YWHAE: variants seen among roughly 807,000 people sequenced by gnomAD.
YWHAE encodes tyrosine 3-monooxygenase/tryptophan 5-monooxygenase activation protein epsilon, also known as 14-3-3 protein epsilon.
A neutral mutation model predicts 30.1 loss-of-function variants in YWHAE; 4 were observed. That is an observed-to-expected ratio of 0.13 (90% CI 0.07 to 0.30). The LOEUF (loss-of-function observed/expected upper bound fraction) is 0.30. Ranked by LOEUF, YWHAE falls within the 10% of genes least tolerant of loss-of-function variation. YWHAE has a pLI of 1.00. For synonymous variants in YWHAE, 118 were observed against 111.8 expected, an observed-to-expected ratio of 1.06 and a Z score of -0.35; for missense variants, 121 against 315.9, an observed-to-expected ratio of 0.38 and a Z score of 4.68.
rs970347834 is a variant in YWHAE, at chr17:1,383,745, C to T, written c.64+16302G>A. On this transcript the variant is annotated intron_variant, in intron 1 of 5. Coordinates refer to ENST00000264335, the MANE Select transcript of YWHAE (RefSeq NM_006761.5). ...TTAGTTAAATTTTGTGCTGCACAAT[C>T]GTAAGTTGCTAGTATTATAAACAGT... 2.0e-5 allele frequency among the ~76,000 whole-genome samples: 3 copies of T among 151,986 alleles called. 1 individual carries two copies. Among genetic ancestry groups the T allele is most frequent in the Non-Finnish European group, 4.4e-5 (3 of 68,006 alleles).
chr17:1,391,685 A>G (rs918462389), intron 1 of YWHAE, among the ~76,000 whole-genome samples: 1 of 152,200 alleles, frequency 6.6e-6, no homozygotes, highest in African/African-American at 2.4e-5. Context: ...ATACCTAAAT[A>G]TATCAAGCTG....
chr17:1,397,128 A>G (rs1452881939), intron 1 of YWHAE, among the ~76,000 whole-genome samples: 1 of 151,612 alleles, frequency 6.6e-6, no homozygotes, highest in Non-Finnish European at 1.5e-5. Context: ...TGAACTCCCG[A>G]CCTCAGGTGA....
chr17:1,373,230 C>T (rs963816540), intron 1 of YWHAE, among the ~76,000 whole-genome samples: 1 of 151,706 alleles, frequency 6.6e-6, no homozygotes, highest in African/African-American at 2.4e-5. Flanking sequence ...GCAACAAGAG[C>T]GAAACTCAGT....
chr17:1,346,293 C>T (rs762967883), intron 5 of YWHAE, among the ~76,000 whole-genome samples: 9 of 152,156 alleles, frequency 5.9e-5, no homozygotes, highest in Admixed American at 2.6e-4. Context: ...AGCATGCAGG[C>T]TTTTCCCTTA....
chr17:1,375,986 T>G (rs1316226628), intron 1 of YWHAE, among the ~76,000 whole-genome samples: 2 of 152,228 alleles, frequency 1.3e-5, no homozygotes, highest in African/African-American at 4.8e-5. Context: ...TGTATTAATG[T>G]GCTTAATCTT....
chr17:1,363,817 T>C (rs375922405), intron 2 of YWHAE, among the ~76,000 whole-genome samples: 6 of 151,018 alleles, frequency 4.0e-5, no homozygotes, highest in African/African-American at 1.5e-4. Context: ...GCCCTGTAAT[T>C]CTCTTCCCTG....
chr17:1,348,767 T>G lies in YWHAE; in HGVS notation c.716-3268A>C, dbSNP rs1171722405. 3.3e-5 allele frequency among the ~76,000 whole-genome samples: 5 copies of G among 152,334 alleles called. No individual in the cohort carries two copies. The South Asian group carries it at 1.0e-3, about 32-fold the overall frequency. On this transcript the variant is annotated intron_variant, in intron 5 of 5. Transcript: ENST00000264335. ...GGCCGGGAACAGTGGCTCACGCCTG[T>G]AATCCCAGCATTTTGGGAGGCCGAG...
At chr17:1,383,137 G>A (rs1266320682) in intron 1 of YWHAE, among the ~76,000 whole-genome samples, 2 of 151,810 alleles carry the variant, frequency 1.3e-5, no homozygotes, top group Middle Eastern at 3.5e-3. Context: ...GATCACCTGA[G>A]GTCGAGAGTT....
At chr17:1,386,183 A>ACAATGAAAC (rs1186160565) in intron 1 of YWHAE, among the ~76,000 whole-genome samples, 1 of 152,228 alleles carries the variant, frequency 6.6e-6, no homozygotes, top group East Asian at 1.9e-4. Flanking sequence ...GGGTTTCATC[A>ACAATGAAAC]CAATGAAACA....
chr17:1,400,154 G>A lies in YWHAE; in HGVS notation c.-44C>T. On this transcript the variant is annotated 5_prime_UTR_variant, in exon 1 of 6. Coordinates refer to ENST00000264335, the MANE Select transcript of YWHAE (RefSeq NM_006761.5). ...AGGGTCTGCGCGACGGATGGAAGCGGATAGTGTCTCCGACTCTCTCAGCCT... is the reference window on the plus strand; with the variant it reads ...AGGGTCTGCGCGACGGATGGAAGCGAATAGTGTCTCCGACTCTCTCAGCCT... 6.2e-7 allele frequency: 1 copy of A among 1,610,100 alleles called. No individual in the cohort carries two copies. Among genetic ancestry groups the A allele is most frequent in the Non-Finnish European group, 8.5e-7 (1 of 1,176,534 alleles).
At chr17:1,379,995 C>A (rs970529752) in intron 1 of YWHAE, among the ~76,000 whole-genome samples, 1 of 152,062 alleles carries the variant, frequency 6.6e-6, no homozygotes, top group African/African-American at 2.4e-5. Flanking sequence ...CCACATACCA[C>A]GTGCACTTTT....
chr17:1,387,117 T>C (rs2150873131), intron 1 of YWHAE, among the ~76,000 whole-genome samples: 1 of 152,260 alleles, frequency 6.6e-6, no homozygotes. Flanking sequence ...CTTTTCCCTT[T>C]GGTCTCAATA....
chr17:1,349,346 A>G (rs375666819), intron 5 of YWHAE, among the ~76,000 whole-genome samples: 2 of 151,898 alleles, frequency 1.3e-5, no homozygotes, highest in South Asian at 4.2e-4. Flanking sequence ...CATCTCAAAA[A>G]CTCTAATTTT....
chr17:1,390,131 A>G (rs1185569389), intron 1 of YWHAE, among the ~76,000 whole-genome samples: 1 of 152,212 alleles, frequency 6.6e-6, no homozygotes, highest in Non-Finnish European at 1.5e-5. Flanking sequence ...GGTGTGAGCC[A>G]CTGCACCCAG....
chr17:1,349,667 G>A (rs1188778274), intron 5 of YWHAE, among the ~76,000 whole-genome samples: 1 of 151,322 alleles, frequency 6.6e-6, no homozygotes, highest in East Asian at 1.9e-4. Context: ...AGGCTGGAGT[G>A]CAGTGGTGCT....
chr17:1,382,559 A>C (rs1251178349), intron 1 of YWHAE, among the ~76,000 whole-genome samples: 1 of 148,514 alleles, frequency 6.7e-6, no homozygotes, highest in East Asian at 2.0e-4. Context: ...ACGGGGTTTC[A>C]CTATGTTAGC....
chr17:1,360,949 A>T, intron 4 of YWHAE, 143 bp downstream of exon 4: 1 of 711,982 alleles, frequency 1.4e-6, no homozygotes, highest in Non-Finnish European at 2.4e-6. Context: ...TTTTAATACT[A>T]TCCAAAGTAG....
Position 1,400,028 on chromosome 17 carries a change from C to CCAG in YWHAE, c.64+18_64+19insCTG. On this transcript the variant is annotated intron_variant, in intron 1 of 5. Transcript: ENST00000264335. ...AGAGGGTCCGAGAATTCCAGCCCCC[C>CCAG]GTTGCCCCCCCAACTCACCGTCGTA... is the stretch of plus-strand genomic sequence containing the variant. 6.2e-7 allele frequency: 1 copy of CCAG among 1,608,160 alleles called. No individual in the cohort carries two copies. Among genetic ancestry groups the CCAG allele is most frequent in the Non-Finnish European group, 8.5e-7 (1 of 1,174,590 alleles).
chr17:1,399,798 T>C, intron 1 of YWHAE: 3 of 116,214 alleles, frequency 2.6e-5, no homozygotes, highest in Non-Finnish European at 5.0e-5. Flanking sequence ...TACAACCAAC[T>C]CCTCCACCCC....
Sources: gnomAD v4.1 joint callset for allele counts (sites outside exome capture counted in the v4.1 genomes callset) on GRCh38, gnomAD v4.1.1 for gene constraint, MANE v1.5 for transcripts, NCBI Gene and HGNC (gene_info 2026-07-23, HGNC 2026-07-21) for gene names.